ERG: variants seen among roughly 807,000 people sequenced by gnomAD.
ERG encodes the protein transcriptional regulator ERG.
A neutral mutation model predicts 55.3 loss-of-function variants in ERG; 9 were observed. That is an observed-to-expected ratio of 0.16 (90% CI 0.10 to 0.28). ERG has a LOEUF of 0.28. Among genes scored for constraint, ERG ranks in the 10% least tolerant of loss-of-function variants. The pLI, the probability that ERG is intolerant of heterozygous loss-of-function variation, is 1.00. For synonymous variants in ERG, 223 were observed against 237.3 expected, an observed-to-expected ratio of 0.94 and a Z score of 0.55; for missense variants, 434 against 631.6, an observed-to-expected ratio of 0.69 and a Z score of 3.35.
Position 38,381,995 on chromosome 21 carries a change from T to C in ERG, c.*1408A>G, listed in dbSNP as rs1987462158. On this transcript the variant is annotated 3_prime_UTR_variant, in exon 10 of 10. Transcript: ENST00000288319. ...GTTTTCATTAAGCAACTTTAGTCAC[T>C]AAAAAAAGTGCAAATGCAGACTCCT... 9.4e-7 allele frequency: 1 copy of C among 1,061,292 alleles called. No homozygotes were observed. Among genetic ancestry groups the C allele is most frequent in the Non-Finnish European group, 1.1e-6 (1 of 876,598 alleles). 65.7% of individuals were successfully genotyped at this position (1,061,292 alleles called of 1,614,324 possible). A position where few individuals can be genotyped will look rare whatever the true frequency, so the allele number is the denominator to read the frequency against.
At chr21:38,406,065 A>G (rs1472831998) in intron 3 of ERG, among the ~76,000 whole-genome samples, 4 of 149,700 alleles carry the variant, frequency 2.7e-5, no homozygotes, top group Non-Finnish European at 5.9e-5. Flanking sequence ...TGAGGCAGGA[A>G]AATGGCATGA....
chr21:38,649,499 G>A (rs984715311), intron 1 of ERG, among the ~76,000 whole-genome samples: 4 of 152,202 alleles, frequency 2.6e-5, no homozygotes, highest in African/African-American at 9.7e-5. Flanking sequence ...TATTCATTGT[G>A]TGTTTAGACC....
intron 4 of ERG, among the ~76,000 whole-genome samples, chr21:38,402,908 A>T (rs1184158209): frequency 6.6e-6 from 1 of 152,120 alleles, no homozygotes; most frequent in Non-Finnish European, 1.5e-5. Flanking sequence ...AGGAGAATTT[A>T]TCCACCTCAC....
chr21:38,576,455 A>G (rs2836529), intron 1 of ERG, among the ~76,000 whole-genome samples: 1 of 152,206 alleles, frequency 6.6e-6, no homozygotes, highest in Non-Finnish European at 1.5e-5. Flanking sequence ...CTTAATTAGC[A>G]GGTATCAACC....
At chr21:38,385,462 T>C (rs552231735) in intron 9 of ERG, among the ~76,000 whole-genome samples, 1 of 152,380 alleles carries the variant, frequency 6.6e-6, no homozygotes, top group African/African-American at 2.4e-5. Flanking sequence ...ACGTTCATTT[T>C]CTTCTAAATC....
chr21:38,569,363 C>G (rs2059943298), intron 2 of ERG, among the ~76,000 whole-genome samples: 1 of 152,220 alleles, frequency 6.6e-6, no homozygotes, highest in African/African-American at 2.4e-5. Context: ...ACAGGCACAG[C>G]CTGAGCTTCA....
chr21:38,605,151 T>C (rs1356282304), intron 1 of ERG, among the ~76,000 whole-genome samples: 4 of 152,182 alleles, frequency 2.6e-5, no homozygotes, highest in Non-Finnish European at 5.9e-5. Context: ...GTCCACTTTT[T>C]AAACCATCAA....
Position 38,381,249 on chromosome 21 carries a change from G to A in ERG, c.*2154C>T, listed in dbSNP as rs1452942513. ...CCTGAAACAGCTATGAAAAGGGCCA[G>A]TTCAGAAACCTATTCAGCTAAGATG... On this transcript the variant is annotated 3_prime_UTR_variant, in exon 10 of 10. Coordinates refer to ENST00000288319, the MANE Select transcript of ERG (RefSeq NM_182918.4). The A allele has an allele frequency of 2.8e-6, 3 of 1,065,262 alleles. No individual in the cohort carries two copies. Among genetic ancestry groups the A allele is most frequent in the South Asian group, 4.5e-5 (1 of 21,980 alleles). The allele number at this position is 1,065,262 out of a possible 1,614,324, so 66.0% of individuals were successfully genotyped here. A position where few individuals can be genotyped will look rare whatever the true frequency, so the allele number is the denominator to read the frequency against.
the ERG span, among the ~76,000 whole-genome samples, chr21:38,373,140 G>GC: frequency 1.3e-5 from 2 of 152,150 alleles, no homozygotes; most frequent in Admixed American, 1.3e-4. Context: ...CAAGGCTTCA[G>GC]CTCCCTGGCA....
intron 1 of ERG, among the ~76,000 whole-genome samples, chr21:38,463,949 G>C (rs950610959): frequency 2.6e-5 from 4 of 152,128 alleles, no homozygotes; most frequent in African/African-American, 9.7e-5. Context: ...TGGGGTCATG[G>C]GTTAAGAAGT....
At chr21:38,622,415 A>C (rs940945916) in intron 1 of ERG, among the ~76,000 whole-genome samples, 10 of 85,098 alleles carry the variant, frequency 1.2e-4, no homozygotes, top group Non-Finnish European at 2.1e-4. Flanking sequence ...ATGCTCATAC[A>C]TATCACACAC....
chr21:38,574,419 T>C (rs969818493), intron 2 of ERG, among the ~76,000 whole-genome samples: 1 of 152,228 alleles, frequency 6.6e-6, no homozygotes, highest in Admixed American at 6.5e-5. Flanking sequence ...TCTATGGCCT[T>C]GGGCAAAATT....
At chr21:38,623,511 C>G (rs2060306348) in intron 1 of ERG, among the ~76,000 whole-genome samples, 1 of 152,174 alleles carries the variant, frequency 6.6e-6, no homozygotes, top group South Asian at 2.1e-4. Flanking sequence ...AAATTCAAAA[C>G]ACAATTTCAC....
intron 2 of ERG, among the ~76,000 whole-genome samples, chr21:38,431,962 A>ATT (rs1990234695): frequency 6.6e-6 from 1 of 152,208 alleles, no homozygotes; most frequent in Admixed American, 6.5e-5. Context: ...TGCCATTGGA[A>ATT]AGATCAGACC....
intron 1 of ERG, among the ~76,000 whole-genome samples, chr21:38,445,995 G>A (rs987138219): frequency 2.0e-5 from 3 of 151,632 alleles, no homozygotes; most frequent in African/African-American, 4.9e-5. Flanking sequence ...GGTACAGAGC[G>A]GTCATGAGGA....
chr21:38,442,900 C>T (rs532878704), intron 2 of ERG, among the ~76,000 whole-genome samples: 165 of 152,232 alleles, frequency 1.1e-3, no homozygotes, highest in African/African-American at 3.7e-3. Flanking sequence ...CTCCGCCTCC[C>T]GGGTTCATGC....
At chr21:38,416,607 C>A (rs1989291983) in intron 3 of ERG, among the ~76,000 whole-genome samples, 2 of 152,180 alleles carry the variant, frequency 1.3e-5, no homozygotes, top group African/African-American at 4.8e-5. Context: ...GGGTATAAGC[C>A]CATCAGTAGT....
intron 2 of ERG, among the ~76,000 whole-genome samples, chr21:38,426,365 T>C (rs879564667): frequency 6.6e-6 from 1 of 152,200 alleles, no homozygotes; most frequent in Admixed American, 6.5e-5. Context: ...AGAGTGTATA[T>C]GTTTTGGTAT....
intron 2 of ERG, among the ~76,000 whole-genome samples, chr21:38,425,711 G>T (rs1989790894): frequency 6.6e-6 from 1 of 152,202 alleles, no homozygotes. Flanking sequence ...CCACGCCAAT[G>T]AAGCCTCATT....
Sources: allele counts gnomAD v4.1 joint callset (sites outside exome capture counted in the v4.1 genomes callset), GRCh38; gene constraint gnomAD v4.1.1; transcripts MANE v1.5; gene names NCBI Gene and HGNC (gene_info 2026-07-23, HGNC 2026-07-21).